Variants in NUP155 observed in about 807,000 individuals in gnomAD.
NUP155 encodes the protein nuclear pore complex protein Nup155.
NUP155 carries 71 observed loss-of-function variants against 180.4 expected under a neutral mutation model. The observed-to-expected ratio is 0.39, with a 90% confidence interval of 0.33 to 0.48. The LOEUF is 0.48. Among genes scored for constraint, NUP155 ranks in the 20% least tolerant of loss-of-function variants. The probability of loss-of-function intolerance (pLI) is 0.91; values close to 1 mark genes in which losing one functional copy is unlikely to be tolerated. For synonymous variants in NUP155, 582 were observed against 559.5 expected, an observed-to-expected ratio of 1.04 and a Z score of -0.57; for missense variants, 1,553 against 1,648.9, an observed-to-expected ratio of 0.94 and a Z score of 1.01.
Position 37,302,880 on chromosome 5 carries a change from C to G in NUP155, c.3346G>C (p.Glu1116Gln). The G allele has an allele frequency of 6.2e-7, 1 of 1,614,030 alleles. No individual in the cohort carries two copies. The highest frequency in any genetic ancestry group is 8.5e-7 in the Non-Finnish European group (1 of 1,179,960). ...CTAAGAATGGCTCGAGCAATGTACT[C>G]TAGTCGCTGCTGAAGTGAAATTTCT... ...STEISLQQRL[E>Q]YIARAILSAK... is the part of the protein sequence containing the mutation. The change falls in exon 29 of 35, where the codon GAG becomes CAG. Residue 1116 changes from glutamate (E) to glutamine (Q), a missense_variant. By Grantham distance (29) the Glu-to-Gln change is conservative. Transcript: ENST00000231498.
chr5:37,331,915 A>C, intron 13 of NUP155, 120 bp from the exon 14 acceptor site: 1 of 704,704 alleles, frequency 1.4e-6, no homozygotes, highest in Non-Finnish European at 2.5e-6. Flanking sequence ...CAACAATACA[A>C]AGTAGGCTGG....
Position 37,292,886 on chromosome 5 carries a change from A to G in NUP155, c.4030T>C (p.Cys1344Arg), listed in dbSNP as rs1404876183. ...TATTTAATTCATAAGTACCTTTCAC[A>G]ATTTAAAACTTGGCTGGGATTCTCA... ...YVENPSQVLN[C>R]ERRRFTNLCL... Residue 1344 changes from cysteine to arginine, a missense_variant, in exon 34 of 35, where the codon TGT becomes CGT. Physicochemically the swap from Cys to Arg is radical, Grantham distance 180 (BLOSUM62 -3). Transcript: ENST00000231498. 1.3e-6 allele frequency: 2 copies of G among 1,597,808 alleles called. No individual in the cohort carries two copies. Among genetic ancestry groups the G allele is most frequent in the Non-Finnish European group, 1.7e-6 (2 of 1,165,768 alleles).
chr5:37,307,953 AT>A (rs201865542), intron 24 of NUP155, among the ~76,000 whole-genome samples: 61,199 of 114,028 alleles, frequency 0.54, 15,826 homozygotes, highest in Non-Finnish European at 0.67. Context: ...AAAAAAAAAA[AT>A]ATATATATAT....
chr5:37,342,285 A>C (rs1293545563), intron 10 of NUP155: 3 of 360,594 alleles, frequency 8.3e-6, no homozygotes, highest in Non-Finnish European at 1.6e-5. Context: ...GGGCTCAGGC[A>C]ATCTGCCTGC....
chr5:37,299,039 T>TAAAA, intron 31 of NUP155, 61 bp from the exon 32 acceptor site: 1 of 923,252 alleles, frequency 1.1e-6, no homozygotes, highest in African/African-American at 1.6e-5. Context: ...ATGTTTACAT[T>TAAAA]GGTTATTTAA....
intron 9 of NUP155, among the ~76,000 whole-genome samples, chr5:37,346,438 A>G (rs1746091842): frequency 1.3e-5 from 2 of 152,140 alleles, no homozygotes; most frequent in African/African-American, 4.8e-5. Flanking sequence ...TCGGGAGGCC[A>G]AGGCAGGCAG....
At chr5:37,323,087 C>T (rs1744354133) in intron 20 of NUP155, among the ~76,000 whole-genome samples, 1 of 151,968 alleles carries the variant, frequency 6.6e-6, no homozygotes, top group Non-Finnish European at 1.5e-5. Context: ...TCAAGACCAG[C>T]CTGGTCAACA....
At chr5:37,303,216 C>T (rs1212428756) in intron 28 of NUP155, 44 bp downstream of exon 28, 2 of 1,601,698 alleles carry the variant, frequency 1.2e-6, no homozygotes, top group Admixed American at 3.3e-5. Flanking sequence ...GTACATATAG[C>T]TCAGTTTTGA....
At chr5:37,326,493 G>T (rs186662047) in intron 18 of NUP155, among the ~76,000 whole-genome samples, 1 of 152,216 alleles carries the variant, frequency 6.6e-6, no homozygotes, top group Non-Finnish European at 1.5e-5. Context: ...AGTGAATAAG[G>T]CGGAAAAGTG....
intron 33 of NUP155, chr5:37,293,288 ATGGGTTGTGAC>A (rs1561761781): frequency 6.8e-6 from 2 of 293,156 alleles, no homozygotes; most frequent in Non-Finnish European, 1.3e-5. Context: ...CTTTCTTTCT[ATGGGTTGTGAC>A]ACCACTTTTA....
In NUP155 at chr5:37,318,105, A is replaced by C; in HGVS notation, c.2208-20T>G. On this transcript the variant is annotated intron_variant, in intron 20 of 34. Coordinates refer to ENST00000231498, the MANE Select transcript of NUP155 (RefSeq NM_153485.3). ...GTAGTACTGAAACAGAAATTGCAGA[A>C]TGTGTGTGTTTATAACAGCTTTATT... 7.4e-7 allele frequency: 1 copy of C among 1,347,014 alleles called. No individual in the cohort carries two copies. Among genetic ancestry groups the C allele is most frequent in the East Asian group, 2.3e-5 (1 of 43,664 alleles). The allele number at this position is 1,347,014 out of a possible 1,614,324, so 83.4% of individuals were successfully genotyped here.
chr5:37,324,393 GA>G (rs1233708372), intron 19 of NUP155, among the ~76,000 whole-genome samples: 1 of 152,000 alleles, frequency 6.6e-6, no homozygotes, highest in African/African-American at 2.4e-5. Context: ...CAACACCAAA[GA>G]AAGTTTCCTA....
chr5:37,305,573 T>G (rs901397912), intron 25 of NUP155, among the ~76,000 whole-genome samples: 3 of 152,108 alleles, frequency 2.0e-5, no homozygotes, highest in Non-Finnish European at 4.4e-5. Flanking sequence ...TGCCAGCTAT[T>G]CAGGTGAGTG....
intron 23 of NUP155, among the ~76,000 whole-genome samples, chr5:37,309,858 A>G (rs1198949417): frequency 6.6e-6 from 1 of 151,656 alleles, no homozygotes; most frequent in Admixed American, 6.6e-5. Flanking sequence ...ACCAGCCTAG[A>G]CAACATGGTG....
chr5:37,298,759 A>C, intron 32 of NUP155, 109 bp downstream of exon 32: 1 of 722,756 alleles, frequency 1.4e-6, no homozygotes, highest in Non-Finnish European at 2.5e-6. Flanking sequence ...TGCTGAACTA[A>C]ATAGCAAAGA....
intron 12 of NUP155, among the ~76,000 whole-genome samples, chr5:37,337,075 A>G (rs1745378237): frequency 6.6e-6 from 1 of 152,130 alleles, no homozygotes; most frequent in Non-Finnish European, 1.5e-5. Context: ...AGCAGAGGAC[A>G]CCAAGGGGAT....
At chr5:37,299,364 CATT>C in intron 31 of NUP155, 81 bp downstream of exon 31, 1 of 1,515,924 alleles carries the variant, frequency 6.6e-7, no homozygotes, top group Non-Finnish European at 9.1e-7. Context: ...TAGCAGCTTG[CATT>C]ATATTAGTTA....
intron 4 of NUP155, among the ~76,000 whole-genome samples, chr5:37,357,113 GAA>G: frequency 6.6e-6 from 1 of 150,426 alleles, no homozygotes; most frequent in Non-Finnish European, 1.5e-5. Flanking sequence ...TCTCAAAAAA[GAA>G]AAAGACTAAA....
chr5:37,350,819 T>TAAAAAAAAAAAAAAAA (rs57132136), intron 6 of NUP155, among the ~76,000 whole-genome samples: 1 of 100,490 alleles, frequency 1.0e-5, no homozygotes, highest in Non-Finnish European at 2.1e-5. Context: ...CCATCACATT[T>TAAAAAAAAAAAAAAAA]AAAAAAAAAA....
Sources: allele counts gnomAD v4.1 joint callset (sites outside exome capture counted in the v4.1 genomes callset), GRCh38; gene constraint gnomAD v4.1.1; transcripts MANE v1.5; gene names NCBI Gene and HGNC (gene_info 2026-07-23, HGNC 2026-07-21).